Variants in PCCA observed in about 807,000 individuals in gnomAD.
The protein encoded by PCCA is propionyl-CoA carboxylase subunit alpha.
PCCA carries 74 observed loss-of-function variants against 101.3 expected under a neutral mutation model. That is an observed-to-expected ratio of 0.73 (90% CI 0.61 to 0.89). The LOEUF is 0.89. Among genes scored for constraint, PCCA ranks in the 40% least tolerant of loss-of-function variants. The pLI is 0.00. For synonymous variants in PCCA, 294 were observed against 313.6 expected, an observed-to-expected ratio of 0.94 and a Z score of 0.66; for missense variants, 891 against 907.0, an observed-to-expected ratio of 0.98 and a Z score of 0.23.
chr13:100,358,862 G>A lies in PCCA; in HGVS notation c.1644-9610G>A, dbSNP rs375601952. 9.8e-4 allele frequency among the ~76,000 whole-genome samples: 148 copies of A among 151,522 alleles called. 4 individuals carry two copies. The South Asian group carries it at 0.028, about 29-fold the overall frequency. ...TACACCTCACTAAAGGTGTTTAGCC[G>A]AGGTGGGCAGATCACCTGAGGTCAG... On this transcript the variant is annotated intron_variant, in intron 18 of 23. Transcript: ENST00000376285.
chr13:100,283,139 G>T (rs1202520939), intron 12 of PCCA, among the ~76,000 whole-genome samples: 1 of 152,136 alleles, frequency 6.6e-6, no homozygotes, highest in African/African-American at 2.4e-5. Flanking sequence ...CTTCGACCTC[G>T]CTTGGAGAGA....
chr13:100,419,209 C>T (rs917022104), intron 19 of PCCA, among the ~76,000 whole-genome samples: 11 of 152,028 alleles, frequency 7.2e-5, no homozygotes, highest in African/African-American at 1.4e-4. Flanking sequence ...TGATGGCTCA[C>T]GCCTGTAATC....
chr13:100,417,079 G>A (rs964850254), intron 19 of PCCA, among the ~76,000 whole-genome samples: 6 of 150,326 alleles, frequency 4.0e-5, no homozygotes, highest in Non-Finnish European at 8.9e-5. Flanking sequence ...CCAACCTCAG[G>A]TGATCCCCCC....
rs1595730626 is a variant in PCCA at position 100,394,134 on chromosome 13, C to T, written c.1746+25560C>T. 6.6e-6 allele frequency among the ~76,000 whole-genome samples: 1 copy of T among 152,134 alleles called. No individual in the cohort carries two copies. Among genetic ancestry groups the T allele is most frequent in the South Asian group, 2.1e-4 (1 of 4,826 alleles). ...GTGCTTTCCTTTGAAATGTGTGAGGCGGTTTGAGATGCAGCTTCTCAGATG... is the reference window on the plus strand; with the variant it reads ...GTGCTTTCCTTTGAAATGTGTGAGGTGGTTTGAGATGCAGCTTCTCAGATG... On this transcript the variant is annotated intron_variant, in intron 19 of 23. Transcript: ENST00000376285. The surrounding 1 kb of genome is among the most constrained non-coding windows in gnomAD (Gnocchi z 4.3).
intron 8 of PCCA, 83 bp downstream of exon 8, chr13:100,235,961 T>A: frequency 1.2e-6 from 1 of 858,708 alleles, no homozygotes; most frequent in Admixed American, 1.7e-5. Flanking sequence ...GTAATTCCCA[T>A]AGAGCAAATA....
intron 1 of PCCA, among the ~76,000 whole-genome samples, chr13:100,092,125 T>C (rs1316233519): frequency 6.6e-6 from 1 of 152,082 alleles, no homozygotes. Flanking sequence ...GGTTTCACCA[T>C]GTTGGCCACC....
At chr13:100,337,555 C>T (rs2070691562) in intron 17 of PCCA, among the ~76,000 whole-genome samples, 1 of 152,172 alleles carries the variant, frequency 6.6e-6, no homozygotes, top group African/African-American at 2.4e-5. Context: ...TATACAGAGC[C>T]TGTTGGAACT....
intron 20 of PCCA, among the ~76,000 whole-genome samples, chr13:100,436,037 C>T (rs1158867218): frequency 6.9e-6 from 1 of 145,442 alleles, no homozygotes; most frequent in Non-Finnish European, 1.5e-5. Flanking sequence ...GAGCGAAACT[C>T]TGTCTCAAAT....
At chr13:100,472,123 C>T (rs966959639) in intron 21 of PCCA, among the ~76,000 whole-genome samples, 3 of 152,184 alleles carry the variant, frequency 2.0e-5, no homozygotes, top group Admixed American at 6.5e-5. Context: ...TTTCTGTAAG[C>T]GCGAATTCCT....
At chr13:100,126,607 C>T (rs1012733361) in intron 4 of PCCA, among the ~76,000 whole-genome samples, 1 of 152,038 alleles carries the variant, frequency 6.6e-6, no homozygotes, top group East Asian at 1.9e-4. Flanking sequence ...ATTCTGTGCC[C>T]AGCATGGTTG....
At chr13:100,402,109 CTGTAATCTGCTAT>C (rs2077403025) in intron 19 of PCCA, among the ~76,000 whole-genome samples, 1 of 152,132 alleles carries the variant, frequency 6.6e-6, no homozygotes, top group African/African-American at 2.4e-5. Context: ...GCTGGAATAA[CTGTAATCTGCTAT>C]TGTAAGCATA....
rs1057047251 is a variant in PCCA, at chr13:100,515,491, C to T, written c.1964C>T (p.Thr655Ile). The change falls in exon 22 of 24, where the codon ACT (threonine) becomes ATT (isoleucine). Residue 655 changes from threonine (T) to isoleucine (I), a missense_variant. Transcript: ENST00000376285. ...ELNKFMLEKV[T>I]EDTSSVLRSP... ...AACAAATTTATGCTGGAAAAAGTGA[C>T]TGAGGACACAAGCAGTGTTCTGCGT... The T allele has an allele frequency of 1.2e-6, 2 of 1,613,990 alleles. No individual in the cohort carries two copies. The highest frequency in any genetic ancestry group is 1.7e-6 in the Non-Finnish European group (2 of 1,179,978).
intron 21 of PCCA, among the ~76,000 whole-genome samples, chr13:100,457,629 G>A: frequency 6.6e-6 from 1 of 152,166 alleles, no homozygotes; most frequent in South Asian, 2.1e-4. Flanking sequence ...TTTATACTGT[G>A]CAGTAATCGC....
At chr13:100,391,747 G>A (rs1307471076) in intron 19 of PCCA, among the ~76,000 whole-genome samples, 2 of 152,152 alleles carry the variant, frequency 1.3e-5, no homozygotes, top group Non-Finnish European at 2.9e-5. Flanking sequence ...TGATCAACAC[G>A]TTTTTCAAAA....
At chr13:100,517,564 A>C (rs550039425) in intron 22 of PCCA, among the ~76,000 whole-genome samples, 1 of 152,252 alleles carries the variant, frequency 6.6e-6, no homozygotes, top group African/African-American at 2.4e-5. Flanking sequence ...CGGGGCCTAT[A>C]TTTTATGCAT....
At chr13:100,522,519 G>A (rs899774434) in intron 22 of PCCA, among the ~76,000 whole-genome samples, 6 of 152,162 alleles carry the variant, frequency 3.9e-5, no homozygotes, top group South Asian at 2.1e-4. Context: ...GCTTCCTGGG[G>A]GGCGGGGCGG....
intron 20 of PCCA, among the ~76,000 whole-genome samples, chr13:100,433,478 A>G (rs1157968449): frequency 6.6e-6 from 1 of 152,008 alleles, no homozygotes; most frequent in Non-Finnish European, 1.5e-5. Flanking sequence ...TTTTCAGTCC[A>G]AGTAGAAGCA....
intron 12 of PCCA, among the ~76,000 whole-genome samples, chr13:100,292,965 T>TGTGTGTG (rs1595156115): frequency 1.9e-5 from 1 of 53,258 alleles, no homozygotes; most frequent in African/African-American, 6.8e-5. Flanking sequence ...GTGTGTCTGT[T>TGTGTGTG]TGTGTGTGTG....
chr13:100,470,044 C>G (rs570835251), intron 21 of PCCA, among the ~76,000 whole-genome samples: 33 of 152,262 alleles, frequency 2.2e-4, no homozygotes, highest in African/African-American at 7.0e-4. Flanking sequence ...TGCGGAGCAC[C>G]TGGGGAAGTA....
Sources: gnomAD v4.1 joint callset for allele counts (sites outside exome capture counted in the v4.1 genomes callset) on GRCh38, gnomAD v4.1.1 for gene constraint, Gnocchi (gnomAD v3.1) non-coding constraint, MANE v1.5 for transcripts, NCBI Gene and HGNC (gene_info 2026-07-23, HGNC 2026-07-21) for gene names.